GRID1: variants seen among roughly 807,000 people sequenced by gnomAD.
GRID1 encodes glutamate receptor ionotropic, delta-1.
In GRID1, 28 loss-of-function variants were observed where a neutral mutation model predicts 98.0. That is an observed-to-expected ratio of 0.29 (90% confidence interval 0.21 to 0.39). The LOEUF is 0.39. GRID1 is among the 10% of genes least tolerant of loss of function. The pLI is 1.00. For missense variants in GRID1, 1,111 were observed against 1,340.5 expected, an observed-to-expected ratio of 0.83 and a Z score of 2.67; for synonymous variants, 553 against 538.5, an observed-to-expected ratio of 1.03 and a Z score of -0.37.
Position 85,602,522 on chromosome 10 carries a change from G to A in GRID1, c.2781C>T (p.Val927=). 1 of 1,614,164 alleles carries A rather than the reference G, an allele frequency of 6.2e-7. No homozygotes were observed. Among genetic ancestry groups the A allele is most frequent in the Non-Finnish European group, 8.5e-7 (1 of 1,180,022 alleles). The change falls in exon 16 of 16, where the codon GTC becomes GTT. Residue 927 remains valine (V), a synonymous_variant. Coordinates refer to ENST00000327946, the MANE Select transcript of GRID1 (RefSeq NM_017551.3). ...TREYQNTQLS[V]STFLPEQSSH... The stretch of plus-strand genomic sequence containing the variant: ...TGCTCTGCTCTGGCAGAAAGGTGCT[G>A]ACCGAGAGCTGGGTGTTCTGGTACT...
chr10:85,846,371 A>C (rs2045602535), intron 8 of GRID1, among the ~76,000 whole-genome samples: 1 of 152,138 alleles, frequency 6.6e-6, no homozygotes, highest in African/African-American at 2.4e-5. Context: ...CATCTCTACT[A>C]AAATCAGCCA....
intron 8 of GRID1, among the ~76,000 whole-genome samples, chr10:85,814,508 G>A (rs1842699410): frequency 6.6e-6 from 1 of 151,952 alleles, no homozygotes; most frequent in Non-Finnish European, 1.5e-5. Flanking sequence ...AAAAGATAGT[G>A]TCTTTGAAAA....
intron 8 of GRID1, among the ~76,000 whole-genome samples, chr10:85,803,728 A>G (rs1269637495): frequency 6.6e-6 from 1 of 152,064 alleles, no homozygotes; most frequent in Non-Finnish European, 1.5e-5. Flanking sequence ...TGGTAAGTGT[A>G]TATATTTGTG....
At chr10:85,739,580 A>C (rs1414439343) in intron 8 of GRID1, among the ~76,000 whole-genome samples, 1 of 152,090 alleles carries the variant, frequency 6.6e-6, no homozygotes, top group Non-Finnish European at 1.5e-5. Flanking sequence ...GTAAGACTTC[A>C]ACTCAACTCA....
intron 4 of GRID1, among the ~76,000 whole-genome samples, chr10:85,940,046 G>C (rs373709566): frequency 7.2e-6 from 1 of 139,506 alleles, no homozygotes; most frequent in Non-Finnish European, 1.5e-5. Context: ...CAGCCTGGGC[G>C]ACACAGTGAG....
At position 85,644,683 on chromosome 10, in the gene GRID1, A is replaced by T. The variant is rs966491460; in HGVS notation, c.2193+2519T>A. On this transcript the variant is annotated intron_variant, in intron 13 of 15. Coordinates refer to ENST00000327946, the MANE Select transcript of GRID1 (RefSeq NM_017551.3). ...GCATGTGGACATTTATTTTGGGTGG[A>T]TACATTGGAGTGTAATTGCTGGGCC... 3.3e-5 allele frequency among the ~76,000 whole-genome samples: 5 copies of T among 152,110 alleles called. No individual in the cohort carries two copies. In the South Asian group the frequency reaches 1.0e-3, roughly 32 times the overall value.
intron 2 of GRID1, among the ~76,000 whole-genome samples, chr10:86,344,315 G>A (rs1005281571): frequency 1.3e-5 from 2 of 152,358 alleles, no homozygotes; most frequent in Admixed American, 1.3e-4. Context: ...AGGAAACTGA[G>A]GCTCAGATAT....
intron 6 of GRID1, among the ~76,000 whole-genome samples, chr10:85,858,385 C>T (rs1843133824): frequency 6.6e-6 from 1 of 152,142 alleles, no homozygotes; most frequent in Non-Finnish European, 1.5e-5. Flanking sequence ...GTACCACCAC[C>T]CACTGGGAGC....
At chr10:86,147,402 G>A (rs1845104155) in intron 3 of GRID1, among the ~76,000 whole-genome samples, 1 of 152,146 alleles carries the variant, frequency 6.6e-6, no homozygotes, top group Non-Finnish European at 1.5e-5. Context: ...TAAGCAAAAA[G>A]AACAACGCTG....
In GRID1 at chr10:85,700,615, A is replaced by T. The variant is rs1485655276; in HGVS notation, c.1997+22388T>A. Among the ~76,000 whole-genome samples the T allele has an allele frequency of 3.9e-5, 6 of 152,200 alleles. No individual in the cohort carries two copies. The South Asian group carries it at 6.2e-4, about 16-fold the overall frequency. ...GCCTTTTTCAAATGACTCTGCTGTC[A>T]TCATTATAGCAGGTAAACATCTATT... On this transcript the variant is annotated intron_variant, in intron 12 of 15. Coordinates refer to ENST00000327946, the MANE Select transcript of GRID1 (RefSeq NM_017551.3).
At chr10:86,073,470 A>G (rs887572010) in intron 4 of GRID1, among the ~76,000 whole-genome samples, 11 of 152,184 alleles carry the variant, frequency 7.2e-5, no homozygotes, top group Admixed American at 3.9e-4. Context: ...CCCCAACAGT[A>G]TAACTGTCTG....
chr10:85,660,419 G>C (rs193229622), intron 12 of GRID1, among the ~76,000 whole-genome samples: 48 of 152,312 alleles, frequency 3.2e-4, no homozygotes, highest in Admixed American at 1.8e-3. Flanking sequence ...AAGGTTGTTG[G>C]AAAGTACACA....
chr10:85,861,506 C>T (rs1272249689), intron 6 of GRID1, among the ~76,000 whole-genome samples: 1 of 152,162 alleles, frequency 6.6e-6, no homozygotes, highest in Non-Finnish European at 1.5e-5. Context: ...AAGGTACAAA[C>T]ACAGGAAGGC....
chr10:86,344,995 A>AT (rs999416512), intron 2 of GRID1, among the ~76,000 whole-genome samples: 1 of 152,098 alleles, frequency 6.6e-6, no homozygotes, highest in Non-Finnish European at 1.5e-5. Flanking sequence ...ATCCAGATGC[A>AT]TTTTTTTGTG....
At chr10:85,608,010 G>T (rs150555987) in intron 15 of GRID1, among the ~76,000 whole-genome samples, 24 of 152,080 alleles carry the variant, frequency 1.6e-4, no homozygotes, top group African/African-American at 5.3e-4. Context: ...AGAGACTGGG[G>T]TCTAGCTTTT....
intron 12 of GRID1, among the ~76,000 whole-genome samples, chr10:85,719,889 A>G (rs568130997): frequency 6.6e-6 from 1 of 152,336 alleles, no homozygotes; most frequent in South Asian, 2.1e-4. Context: ...CTCTGGATAG[A>G]CAAAGACTTA....
Position 85,599,802 on chromosome 10 carries a change from A to AAAAAAAAAAAAAAAAATAT in GRID1, c.*2470_*2471insATATTTTTTTTTTTTTTTT. 6.2e-5 allele frequency: 4 copies of AAAAAAAAAAAAAAAAATAT among 64,996 alleles called. No individual in the cohort carries two copies. The highest frequency in any genetic ancestry group is 2.8e-4 in the African/African-American group (3 of 10,728). The allele number at this position is 64,996 out of a possible 1,614,324, so 4.0% of individuals were successfully genotyped here. On this transcript the variant is annotated 3_prime_UTR_variant, in exon 16 of 16. Transcript: ENST00000327946. ...GTAGAAAATTCTAAAAAAAAAAAAAAATATATATATATATATATAAACATG... is the reference window on the plus strand; with the variant it reads ...GTAGAAAATTCTAAAAAAAAAAAAAAAAAAAAAAAAAAAAAATATATATATATATATATATATAAACATG...
At chr10:85,754,352 A>G (rs1253585251) in intron 8 of GRID1, among the ~76,000 whole-genome samples, 5 of 152,228 alleles carry the variant, frequency 3.3e-5, no homozygotes, top group Admixed American at 2.0e-4. Context: ...TGAAGTATAG[A>G]TCCTGTCCTA....
At chr10:86,039,715 G>A (rs371545969) in intron 4 of GRID1, among the ~76,000 whole-genome samples, 5 of 152,192 alleles carry the variant, frequency 3.3e-5, no homozygotes, top group Non-Finnish European at 5.9e-5. Flanking sequence ...GTCTCAACGC[G>A]TAGGTCCTAA....
Sources: allele counts gnomAD v4.1 joint callset (sites outside exome capture counted in the v4.1 genomes callset), GRCh38; gene constraint gnomAD v4.1.1; transcripts MANE v1.5; gene names NCBI Gene and HGNC (gene_info 2026-07-23, HGNC 2026-07-21).